Variants in ASPM observed in about 807,000 individuals in gnomAD.
ASPM encodes abnormal spindle-like microcephaly-associated protein.
A neutral mutation model predicts 366.4 loss-of-function variants in ASPM; 256 were observed. The ratio of observed to expected loss-of-function variants is 0.70; its 90% confidence interval spans 0.63 to 0.77. The LOEUF (loss-of-function observed/expected upper bound fraction) is 0.77. ASPM is among the 30% of genes least tolerant of loss of function. The pLI is 0.00. For synonymous variants in ASPM, 1,414 were observed against 1,342.9 expected (o/e 1.05, Z -1.16); for missense variants, 4,146 against 4,090.4 (o/e 1.01, Z -0.37).
At chr1:197,087,511 C>T (rs1481216304) in intron 26 of ASPM, among the ~76,000 whole-genome samples, 1 of 152,136 alleles carries the variant, frequency 6.6e-6, no homozygotes, top group Non-Finnish European at 1.5e-5. Flanking sequence ...CTTAACTCCA[C>T]ACTGAATATA....
chr1:197,136,629 T>C (rs1240536321), intron 4 of ASPM, among the ~76,000 whole-genome samples: 2 of 151,926 alleles, frequency 1.3e-5, no homozygotes, highest in African/African-American at 4.8e-5. Flanking sequence ...AAAATATACA[T>C]AGAATATACA....
At chr1:197,144,571 G>T (rs1658707228) in intron 1 of ASPM, among the ~76,000 whole-genome samples, 1 of 152,104 alleles carries the variant, frequency 6.6e-6, no homozygotes, top group African/African-American at 2.4e-5. Flanking sequence ...AGGTATTATT[G>T]TTCCAGGCAT....
intron 8 of ASPM, among the ~76,000 whole-genome samples, chr1:197,129,531 AT>A (rs1316974532): frequency 1.2e-4 from 18 of 152,140 alleles, no homozygotes; most frequent in Admixed American, 1.1e-3. Context: ...ACCACTTAAT[AT>A]TTTCAATTCA....
At chr1:197,144,257 TCTG>T (rs1432269023) in intron 1 of ASPM, among the ~76,000 whole-genome samples, 157 bp from the exon 2 acceptor site, 49 of 152,224 alleles carry the variant, frequency 3.2e-4, no homozygotes, top group African/African-American at 1.1e-3. Context: ...TCCTACCCTA[TCTG>T]CTTAATTATA....
At chr1:197,145,058 CAG>C (rs1489298624) in intron 1 of ASPM, among the ~76,000 whole-genome samples, 1 of 151,862 alleles carries the variant, frequency 6.6e-6, no homozygotes, top group Non-Finnish European at 1.5e-5. Flanking sequence ...ATTCATGAAA[CAG>C]AGGGGCGGGG....
intron 1 of ASPM, among the ~76,000 whole-genome samples, chr1:197,145,431 G>A (rs953366507): frequency 3.9e-5 from 6 of 152,174 alleles, no homozygotes; most frequent in African/African-American, 1.4e-4. Flanking sequence ...ACTAAAGTGT[G>A]CATACATACT....
At chr1:197,124,038 A>C in intron 13 of ASPM, 72 bp downstream of exon 13, 1 of 1,325,238 alleles carries the variant, frequency 7.5e-7, no homozygotes, top group Non-Finnish European at 1.1e-6. Context: ...GACTTCAGGC[A>C]TTAAGTTTAA....
chr1:197,115,680 T>C (rs1657717738), intron 17 of ASPM, among the ~76,000 whole-genome samples: 1 of 152,206 alleles, frequency 6.6e-6, no homozygotes. Context: ...TCCATGTCCA[T>C]GACCAGGAGT....
At position 197,146,428 on chromosome 1, in the gene ASPM, G is replaced by A. The variant is rs745976896; in HGVS notation, c.10C>T (p.Arg4Trp). 1 of 1,607,726 alleles carries A rather than the reference G, an allele frequency of 6.2e-7. No individual in the cohort carries two copies. Residue 4 changes from arginine (R) to tryptophan (W), a missense_variant, in exon 1 of 28, where the codon CGG becomes TGG. Physicochemically the swap from Arg to Trp is moderately radical, Grantham distance 101. This residue lies in a region of ASPM where 512 missense variants were observed against 471.7 expected (regional missense o/e 1.09). Coordinates refer to ENST00000367409, the MANE Select transcript of ASPM (RefSeq NM_018136.5). ...TCCCAGCAGCCTCGCCCCACTCGCC[G>A]GTTCGCCATGGCAGATTCGAGACCC... MANRRVGRGCWEVS... is the reference protein window; with the variant it reads MANWRVGRGCWEVS...
In ASPM at chr1:197,125,161, C is replaced by T. The variant is rs199422152; in HGVS notation, c.2967G>A (p.Trp989Ter). The stretch of plus-strand genomic sequence containing the variant: ...GAATCCTGAGTTTCTTTGAGAGGTC[C>T]CAGTTCTGTGTGAGAAGTTCCATGG... Reference protein sequence around the residue: ...VRTMELLTQNWDLSKKLRIPA... With the variant: ...VRTMELLTQN Residue 989 changes from tryptophan to a stop codon, truncating the protein, a stop_gained, in exon 11 of 28, where the codon TGG (tryptophan) becomes TGA (stop). Transcript: ENST00000367409. LOFTEE classifies it high-confidence loss of function. The T allele has an allele frequency of 1.2e-6, 2 of 1,613,902 alleles. No individual in the cohort carries two copies. The highest frequency in any genetic ancestry group is 1.7e-6 in the Non-Finnish European group (2 of 1,179,916).
intron 16 of ASPM, 113 bp from the exon 17 acceptor site, chr1:197,118,096 C>A (rs1247315028): frequency 2.0e-6 from 2 of 977,550 alleles, no homozygotes; most frequent in Admixed American, 4.0e-5. Flanking sequence ...GGAAATAAAA[C>A]ACCCCTACAC....
In ASPM at chr1:197,146,419, C is replaced by G. The variant is rs776662758; in HGVS notation, c.19G>C (p.Gly7Arg). MANRRV[G>R]RGCWEVSPTE... is the part of the protein sequence containing the mutation. ...GGGCTCACTTCCCAGCAGCCTCGCC[C>G]CACTCGCCGGTTCGCCATGGCAGAT... Residue 7 changes from glycine (G) to arginine (R), a missense_variant, in exon 1 of 28, where the codon GGG becomes CGG. Gly to Arg is a moderately radical substitution (Grantham distance 125). Transcript: ENST00000367409. 3.4e-5 allele frequency: 55 copies of G among 1,608,748 alleles called. No individual in the cohort carries two copies. The highest frequency in any genetic ancestry group is 2.7e-4 in the Admixed American group (16 of 59,934).
chr1:197,127,108 A>G (rs1658114086), intron 10 of ASPM, among the ~76,000 whole-genome samples: 1 of 152,202 alleles, frequency 6.6e-6, no homozygotes, highest in Non-Finnish European at 1.5e-5. Context: ...TTCTCTAAAT[A>G]TTCACAGTTC....
At position 197,104,332 on chromosome 1, in the gene ASPM, T is replaced by C. The variant is rs373825544; in HGVS notation, c.4919A>G (p.Gln1640Arg). The change falls in exon 18 of 28, where the codon CAG becomes CGG. Residue 1640 changes from glutamine (Q) to arginine (R), a missense_variant. Coordinates refer to ENST00000367409, the MANE Select transcript of ASPM (RefSeq NM_018136.5). ...GGCTTGCATCCCTCTATATGCAGAC[T>C]GCAGCACAATGACAGCAGAGCGTGT... Reference protein sequence around the residue: ...QKTRSAVIVLQSAYRGMQARK... With the variant: ...QKTRSAVIVLRSAYRGMQARK... The C allele has an allele frequency of 3.1e-6, 5 of 1,613,012 alleles. No homozygotes were observed. The highest frequency in any genetic ancestry group is 1.3e-5 in the African/African-American group (1 of 74,836).
At position 197,117,798 on chromosome 1, in the gene ASPM, T is replaced by C. The variant is rs369664619; in HGVS notation, c.4056A>G (p.Ser1352=). ...KLEKVQNKAA[S]LIQGYWRRYS... The stretch of plus-strand genomic sequence containing the variant: ...GTCCAGGATACTATACCTGAATAAG[T>C]GATGCTGCTTTATTTTGAACTTTTT... Residue 1352 remains serine (S), a synonymous_variant, in exon 17 of 28, where the codon TCA becomes TCG. Transcript: ENST00000367409. 108 of 1,611,796 alleles carry C rather than the reference T, an allele frequency of 6.7e-5. No homozygotes were observed. The highest frequency in any genetic ancestry group is 9.1e-5 in the Non-Finnish European group (107 of 1,179,012).
At chr1:197,114,069 G>A (rs1657670576) in intron 17 of ASPM, among the ~76,000 whole-genome samples, 1 of 151,950 alleles carries the variant, frequency 6.6e-6, no homozygotes, top group Non-Finnish European at 1.5e-5. Flanking sequence ...GATATTGTAG[G>A]TTCAGTTCCA....
chr1:197,102,875 T>C lies in ASPM; in HGVS notation c.6376A>G (p.Met2126Val), dbSNP rs746265738. ...MHRAATFIKA[M>V]FKMHQSRISY... ...ATTCTTGACTGATGCATTTTAAACA[T>C]GGCTTTAATAAAAGTGGCTGCCCTG... Residue 2126 changes from methionine (M) to valine (V), a missense_variant, in exon 18 of 28, where the codon ATG becomes GTG. Coordinates refer to ENST00000367409, the MANE Select transcript of ASPM (RefSeq NM_018136.5). 8.1e-6 allele frequency: 13 copies of C among 1,612,678 alleles called. No individual in the cohort carries two copies. In the South Asian group the frequency reaches 1.2e-4, roughly 15 times the overall value.
Position 197,104,788 on chromosome 1 carries a change from C to T in ASPM, c.4463G>A (p.Arg1488Lys). The change falls in exon 18 of 28, where the codon AGA becomes AAA. Residue 1488 changes from arginine (R) to lysine (K), a missense_variant. Physicochemically the swap from Arg to Lys is conservative, Grantham distance 26. Coordinates refer to ENST00000367409, the MANE Select transcript of ASPM (RefSeq NM_018136.5). ...HKELRKYIYI[R>K]SCVVIIQKRF... ...TTTCTGAATGATAACAACACAAGAT[C>T]TAATATAAATATATTTCCGTAATTC... The T allele has an allele frequency of 1.9e-6, 3 of 1,588,036 alleles. No homozygotes were observed. Among genetic ancestry groups the T allele is most frequent in the Non-Finnish European group, 2.6e-6 (3 of 1,170,324 alleles).
At chr1:197,133,263 A>T in intron 6 of ASPM, 87 bp downstream of exon 6, 1 of 1,404,230 alleles carries the variant, frequency 7.1e-7, no homozygotes, top group Non-Finnish European at 9.7e-7. Context: ...CCTGTCAATT[A>T]TATGTCAATA....
Sources: allele counts gnomAD v4.1 joint callset (sites outside exome capture counted in the v4.1 genomes callset), GRCh38; gene constraint gnomAD v4.1.1; regional missense constraint gnomAD v4.1.1; transcripts MANE v1.5; gene names NCBI Gene and HGNC (gene_info 2026-07-23, HGNC 2026-07-21).